Variants in PKP2 observed in about 807,000 individuals in gnomAD.
PKP2 encodes the protein plakophilin 2.
A neutral mutation model predicts 83.4 loss-of-function variants in PKP2; 73 were observed. The observed-to-expected ratio is 0.88, with a 90% CI of 0.72 to 1.06. The LOEUF (loss-of-function observed/expected upper bound fraction) is 1.06, where lower values mean the gene tolerates loss of function less well. Among genes scored for constraint, PKP2 ranks in the 50% least tolerant of loss-of-function variants. PKP2 has a pLI of 0.00. For synonymous variants in PKP2, 409 were observed against 430.4 expected, an observed-to-expected ratio of 0.95 and a Z score of 0.62; for missense variants, 966 against 1,065.4, an observed-to-expected ratio of 0.91 and a Z score of 1.30.
intron 9 of PKP2, among the ~76,000 whole-genome samples, chr12:32,807,726 T>C (rs1267278034): frequency 6.6e-6 from 1 of 152,216 alleles, no homozygotes; most frequent in African/African-American, 2.4e-5. Context: ...AGGCCTGGTA[T>C]TGACGAATTC....
chr12:32,842,745 G>A (rs1956607296), intron 5 of PKP2, among the ~76,000 whole-genome samples: 2 of 151,598 alleles, frequency 1.3e-5, no homozygotes, highest in Admixed American at 6.6e-5. Flanking sequence ...CGCAATCTCG[G>A]CTACCTGCAA....
rs58398546 is a variant in PKP2, at chr12:32,861,028, A to AAAACAAAC, written c.1170+7891_1170+7898dup. 8.4e-3 allele frequency among the ~76,000 whole-genome samples: 1,279 copies of AAAACAAAC among 151,470 alleles called. 3 individuals carry two copies. Among genetic ancestry groups the AAAACAAAC allele is most frequent in the Non-Finnish European group, 0.012 (813 of 67,860 alleles). Reference sequence around the variant, plus strand: ...GGGTGACAGAGCAAGACTCTGTCTCAAAACAAACAAACAAACAAACAAACA... The same window carrying AAAACAAAC: ...GGGTGACAGAGCAAGACTCTGTCTCAAAACAAACAAACAAACAAACAAACAAACAAACA... On this transcript the variant is annotated intron_variant, in intron 4 of 12. Transcript: ENST00000340811.
At position 32,822,466 on chromosome 12, in the gene PKP2, C is replaced by T; in HGVS notation, c.1839+1G>A. On this transcript the variant is annotated splice_donor_variant, in intron 8 of 12. Coordinates refer to ENST00000340811, the MANE Select transcript of PKP2 (RefSeq NM_001005242.3). LOFTEE classifies it high-confidence loss of function. The stretch of plus-strand genomic sequence containing the variant: ...ATTCTTTCAAAAACTTCCCAATATA[C>T]CTCTTTTACTTTCCTGCTTCGACTG... 6.2e-7 allele frequency: 1 copy of T among 1,613,554 alleles called. No individual in the cohort carries two copies. The highest frequency in any genetic ancestry group is 1.1e-5 in the South Asian group (1 of 91,074).
intron 9 of PKP2, among the ~76,000 whole-genome samples, chr12:32,812,662 C>T (rs1401175617): frequency 6.6e-6 from 1 of 152,132 alleles, no homozygotes; most frequent in Admixed American, 6.5e-5. Flanking sequence ...ACCACCATGC[C>T]TGGCTAATTT....
chr12:32,867,384 G>T (rs1956859349), intron 4 of PKP2, among the ~76,000 whole-genome samples: 1 of 152,306 alleles, frequency 6.6e-6, no homozygotes, highest in Admixed American at 6.5e-5. Flanking sequence ...CGTAGGTTGA[G>T]GGCTGGAGGG....
At chr12:32,871,854 C>T (rs1956898803) in intron 3 of PKP2, among the ~76,000 whole-genome samples, 1 of 152,172 alleles carries the variant, frequency 6.6e-6, no homozygotes, top group South Asian at 2.1e-4. Context: ...CCTGTCTCAG[C>T]TCAAATATCT....
intron 4 of PKP2, among the ~76,000 whole-genome samples, chr12:32,861,631 CTG>C (rs1217485676): frequency 1.3e-5 from 2 of 152,106 alleles, no homozygotes; most frequent in African/African-American, 2.4e-5. Flanking sequence ...AATAGAAAAA[CTG>C]TGAAAATTTT....
At chr12:32,863,717 C>T (rs951842597) in intron 4 of PKP2, among the ~76,000 whole-genome samples, 27 of 152,174 alleles carry the variant, frequency 1.8e-4, no homozygotes, top group African/African-American at 5.8e-4. Context: ...CAGGCTGAGA[C>T]GTCTTCACTG....
At chr12:32,867,333 A>G (rs975348652) in intron 4 of PKP2, among the ~76,000 whole-genome samples, 22 of 152,180 alleles carry the variant, frequency 1.4e-4, no homozygotes, top group African/African-American at 5.3e-4. Context: ...GTCTCAAAAC[A>G]TAGAAAGAAA....
intron 4 of PKP2, chr12:32,863,368 C>T (rs542035978): frequency 1.2e-5 from 3 of 258,678 alleles, no homozygotes; most frequent in Admixed American, 8.3e-5. Context: ...TGCCAAATTC[C>T]GAAGCAATCT....
chr12:32,870,400 G>A (rs1033730546), intron 3 of PKP2, among the ~76,000 whole-genome samples: 3 of 152,096 alleles, frequency 2.0e-5, no homozygotes, highest in Admixed American at 6.6e-5. Context: ...ACACAGAAGG[G>A]TTACCTCATA....
At chr12:32,842,252 T>C (rs1956600178) in intron 5 of PKP2, among the ~76,000 whole-genome samples, 1 of 152,186 alleles carries the variant, frequency 6.6e-6, no homozygotes, top group Non-Finnish European at 1.5e-5. Flanking sequence ...TTCTTTCTTT[T>C]TTTTTGAGAC....
intron 5 of PKP2, among the ~76,000 whole-genome samples, chr12:32,841,748 C>T (rs1380297425): frequency 1.3e-5 from 2 of 152,218 alleles, no homozygotes; most frequent in Non-Finnish European, 2.9e-5. Context: ...TTCTCCATGC[C>T]TGTCAACAGG....
At chr12:32,890,986 A>G (rs1358858060) in intron 1 of PKP2, among the ~76,000 whole-genome samples, 3 of 151,838 alleles carry the variant, frequency 2.0e-5, no homozygotes, top group Non-Finnish European at 2.9e-5. Flanking sequence ...AAAGACACAC[A>G]ACAGGTTTTT....
chr12:32,886,797 G>C (rs1957034360), intron 1 of PKP2, among the ~76,000 whole-genome samples: 1 of 152,014 alleles, frequency 6.6e-6, no homozygotes. Flanking sequence ...TTTGAGACCA[G>C]CCTGGGCAAT....
chr12:32,847,014 C>T (rs1956652973), intron 5 of PKP2, among the ~76,000 whole-genome samples: 1 of 151,896 alleles, frequency 6.6e-6, no homozygotes. Flanking sequence ...ACCAATTATG[C>T]TTTCACCTCT....
intron 4 of PKP2, among the ~76,000 whole-genome samples, chr12:32,855,589 A>G (rs1316775074): frequency 6.6e-6 from 1 of 152,120 alleles, no homozygotes; most frequent in African/African-American, 2.4e-5. Flanking sequence ...AGCCTGGCCA[A>G]CATAGTGAAA....
At chr12:32,816,867 T>G (rs1565579168) in intron 9 of PKP2, among the ~76,000 whole-genome samples, 1 of 152,226 alleles carries the variant, frequency 6.6e-6, no homozygotes, top group Admixed American at 6.5e-5. Context: ...TCATGTTTGT[T>G]GGCCACTGGT....
intron 3 of PKP2, among the ~76,000 whole-genome samples, chr12:32,876,845 T>C (rs1956937644): frequency 6.6e-6 from 1 of 152,230 alleles, no homozygotes; most frequent in South Asian, 2.1e-4. Flanking sequence ...TTCCTCTTTG[T>C]AAGTATGCTC....
Sources: allele counts gnomAD v4.1 joint callset (sites outside exome capture counted in the v4.1 genomes callset), GRCh38; gene constraint gnomAD v4.1.1; transcripts MANE v1.5; gene names NCBI Gene and HGNC (gene_info 2026-07-23, HGNC 2026-07-21).